Variants in SUSD1 observed in about 807,000 individuals in gnomAD.
SUSD1 encodes sushi domain-containing protein 1.
In SUSD1, 65 loss-of-function variants were observed where a neutral mutation model predicts 86.9. The ratio of observed to expected loss-of-function variants is 0.75; its 90% CI spans 0.61 to 0.92. SUSD1 has a LOEUF of 0.92. Among genes scored for constraint, SUSD1 ranks in the 40% least tolerant of loss-of-function variants. The probability of loss-of-function intolerance (pLI) is 0.00; values close to 1 mark genes in which losing one functional copy is unlikely to be tolerated. For missense variants in SUSD1, 850 were observed against 929.7 expected, an observed-to-expected ratio of 0.91 and a Z score of 1.11; for synonymous variants, 346 against 350.0, an observed-to-expected ratio of 0.99 and a Z score of 0.13.
rs112179305 is a variant in SUSD1, at chr9:112,133,636, C to T, written c.706+8684G>A. Among the ~76,000 whole-genome samples the T allele has an allele frequency of 1.3e-3, 205 of 152,174 alleles. 2 individuals carry two copies. Among genetic ancestry groups the T allele is most frequent in the Non-Finnish European group, 2.3e-3 (157 of 68,032 alleles). On this transcript the variant is annotated intron_variant, in intron 5 of 16. Coordinates refer to ENST00000374270, the MANE Select transcript of SUSD1 (RefSeq NM_022486.5). ...ATGCTGGAAGAAAAACTGCAAAACA[C>T]CATTCTGGACATCAGCCTTGGGAAA... is the stretch of plus-strand genomic sequence containing the variant.
chr9:112,155,784 A>T (rs896005326), intron 2 of SUSD1, among the ~76,000 whole-genome samples: 46 of 151,816 alleles, frequency 3.0e-4, no homozygotes, highest in African/African-American at 1.1e-3. Flanking sequence ...CAATGTAGTG[A>T]GACCCTGTAT....
chr9:112,151,759 C>A (rs577846320), intron 2 of SUSD1, among the ~76,000 whole-genome samples: 1 of 151,530 alleles, frequency 6.6e-6, no homozygotes, highest in East Asian at 1.9e-4. Flanking sequence ...AAAATTAGGC[C>A]GGGTGCGGTG....
chr9:112,086,990 T>C (rs1830013231), intron 10 of SUSD1, among the ~76,000 whole-genome samples: 1 of 149,394 alleles, frequency 6.7e-6, no homozygotes, highest in Non-Finnish European at 1.5e-5. Context: ...TATATACATA[T>C]ATAAAATATA....
chr9:112,167,221 C>T (rs1339702335), intron 1 of SUSD1, among the ~76,000 whole-genome samples: 1 of 152,086 alleles, frequency 6.6e-6, no homozygotes, highest in Non-Finnish European at 1.5e-5. Context: ...CTCAGCCTCC[C>T]AAGTAGCTGG....
chr9:112,124,436 T>C lies in SUSD1; in HGVS notation c.707A>G (p.Glu236Gly). The change falls in exon 6 of 17, where the codon GAG becomes GGG. Residue 236 changes from glutamate (E) to glycine (G), a missense_variant and splice_region_variant. By Grantham distance (98) the Glu-to-Gly change is moderately conservative (BLOSUM62 -2). Coordinates refer to ENST00000374270, the MANE Select transcript of SUSD1 (RefSeq NM_022486.5). ...TWESPKLHCQ[E>G]INCGNPPEMR... ...TTCTGGAGGGTTGCCACAGTTGATCTCTGCAATGGGAACCAAGACAGCACT... is the reference window on the plus strand; with the variant it reads ...TTCTGGAGGGTTGCCACAGTTGATCCCTGCAATGGGAACCAAGACAGCACT... 6.2e-7 allele frequency: 1 copy of C among 1,613,458 alleles called. No individual in the cohort carries two copies. The highest frequency in any genetic ancestry group is 8.5e-7 in the Non-Finnish European group (1 of 1,179,624).
intron 12 of SUSD1, among the ~76,000 whole-genome samples, chr9:112,066,064 C>T (rs1012559401): frequency 1.3e-5 from 2 of 152,200 alleles, no homozygotes; most frequent in African/African-American, 4.8e-5. Flanking sequence ...AGTCACACCA[C>T]TAGAAGACGG....
At chr9:112,170,489 C>T (rs1267083635) in intron 1 of SUSD1, among the ~76,000 whole-genome samples, 2 of 151,972 alleles carry the variant, frequency 1.3e-5, no homozygotes, top group African/African-American at 2.4e-5. Flanking sequence ...CTCTGGACTC[C>T]CCTGGGCCCT....
At chr9:112,046,955 T>C (rs991440058) in intron 15 of SUSD1, among the ~76,000 whole-genome samples, 1 of 152,218 alleles carries the variant, frequency 6.6e-6, no homozygotes, top group African/African-American at 2.4e-5. Context: ...CTTTAACCCA[T>C]TTATGAGCTC....
chr9:112,057,715 G>A (rs1317514678), intron 14 of SUSD1, among the ~76,000 whole-genome samples: 2 of 152,176 alleles, frequency 1.3e-5, no homozygotes, highest in African/African-American at 4.8e-5. Flanking sequence ...TTACACTCAA[G>A]ATGATAACAT....
At chr9:112,141,926 G>T (rs1280787856) in intron 5 of SUSD1, among the ~76,000 whole-genome samples, 2 of 126,310 alleles carry the variant, frequency 1.6e-5, no homozygotes, top group African/African-American at 3.6e-5. Context: ...TGACTTCTGG[G>T]AATATATATA....
At chr9:112,120,075 G>A (rs1033030030) in intron 6 of SUSD1, among the ~76,000 whole-genome samples, 2 of 152,198 alleles carry the variant, frequency 1.3e-5, no homozygotes, top group African/African-American at 4.8e-5. Flanking sequence ...ACAGAGGCAG[G>A]AGGATGGCTT....
At chr9:112,063,408 T>A (rs1399481385) in intron 12 of SUSD1, among the ~76,000 whole-genome samples, 1 of 152,218 alleles carries the variant, frequency 6.6e-6, no homozygotes, top group South Asian at 2.1e-4. Flanking sequence ...GCCAATAAAC[T>A]GTGTGCTTCA....
intron 8 of SUSD1, among the ~76,000 whole-genome samples, chr9:112,106,543 G>A (rs376704397): frequency 3.3e-5 from 5 of 151,846 alleles, no homozygotes; most frequent in African/African-American, 9.7e-5. Flanking sequence ...AATAGAGAAC[G>A]TGGTTTGAAA....
intron 5 of SUSD1, among the ~76,000 whole-genome samples, chr9:112,128,246 C>T (rs1399271069): frequency 1.3e-5 from 2 of 151,968 alleles, no homozygotes; most frequent in Admixed American, 1.3e-4. Flanking sequence ...GCATGCACCA[C>T]CACACCCAGC....
intron 14 of SUSD1, among the ~76,000 whole-genome samples, chr9:112,057,163 G>T (rs912788526): frequency 3.9e-5 from 6 of 152,184 alleles, no homozygotes; most frequent in Admixed American, 1.3e-4. Flanking sequence ...TGAGGACACT[G>T]TAAGAAGGCA....
chr9:112,149,388 A>G lies in SUSD1; in HGVS notation c.229T>C (p.Cys77Arg), dbSNP rs1589728141. 6.2e-7 allele frequency: 1 copy of G among 1,613,852 alleles called. No homozygotes were observed. Among genetic ancestry groups the G allele is most frequent in the African/African-American group, 1.3e-5 (1 of 74,864 alleles). The change falls in exon 3 of 17, where the codon TGC becomes CGC. Residue 77 changes from cysteine to arginine, a missense_variant. Cys to Arg is a radical substitution (Grantham distance 180). Transcript: ENST00000374270. ...CAGACAAGAGTGGCTCCAAACTGGC[A>G]CTCATTTTTATCTGTTGACACACAG... The part of the protein sequence containing the change: ...GRTQCVDKNE[C>R]QFGATLVCGN...
At chr9:112,099,634 T>C (rs1830543018) in intron 9 of SUSD1, among the ~76,000 whole-genome samples, 1 of 152,188 alleles carries the variant, frequency 6.6e-6, no homozygotes, top group Non-Finnish European at 1.5e-5. Context: ...GAAAAAACTT[T>C]CGTGAAGGTC....
intron 10 of SUSD1, among the ~76,000 whole-genome samples, chr9:112,081,452 G>A (rs535708827): frequency 2.2e-4 from 34 of 152,342 alleles, no homozygotes; most frequent in African/African-American, 7.9e-4. Context: ...CAGGTGGTAA[G>A]GAACAGGAGG....
At chr9:112,156,936 T>C (rs1470350711) in intron 2 of SUSD1, among the ~76,000 whole-genome samples, 2 of 152,286 alleles carry the variant, frequency 1.3e-5, no homozygotes, top group East Asian at 3.9e-4. Flanking sequence ...CTGACTGTCA[T>C]GGCATGGTGG....
Sources: gnomAD v4.1 joint callset for allele counts (sites outside exome capture counted in the v4.1 genomes callset) on GRCh38, gnomAD v4.1.1 for gene constraint, MANE v1.5 for transcripts, NCBI Gene and HGNC (gene_info 2026-07-23, HGNC 2026-07-21) for gene names.